The following SPHKAP variants were observed in gnomAD, a reference collection of about 807,000 sequenced individuals.
The protein encoded by SPHKAP is A-kinase anchor protein SPHKAP.
SPHKAP carries 67 observed loss-of-function variants against 137.5 expected under a neutral mutation model. That is an observed-to-expected ratio of 0.49 (90% CI 0.40 to 0.60). The LOEUF is 0.60. SPHKAP is among the 20% of genes least tolerant of loss of function. SPHKAP has a pLI of 0.00. For synonymous variants in SPHKAP, 813 were observed against 785.3 expected, an observed-to-expected ratio of 1.04 and a Z score of -0.59; for missense variants, 2,097 against 2,069.3, an observed-to-expected ratio of 1.01 and a Z score of -0.26.
At chr2:228,180,729 GCAGGC>G (rs1700884036) in intron 1 of SPHKAP, among the ~76,000 whole-genome samples, 1 of 152,218 alleles carries the variant, frequency 6.6e-6, no homozygotes, top group African/African-American at 2.4e-5. Context: ...GGCTGGGGGA[GCAGGC>G]CCAGCACCAC....
At chr2:228,009,992 G>C (rs571835684) in intron 7 of SPHKAP, among the ~76,000 whole-genome samples, 1 of 152,058 alleles carries the variant, frequency 6.6e-6, no homozygotes, top group Non-Finnish European at 1.5e-5. Context: ...AGGTCAAGAG[G>C]CTTCCTGTGC....
chr2:228,154,532 A>AT (rs1168623467), intron 1 of SPHKAP, among the ~76,000 whole-genome samples: 4 of 29,404 alleles, frequency 1.4e-4, no homozygotes, highest in Non-Finnish European at 2.3e-4. Context: ...ATATATATAT[A>AT]TTTTTTTTTT....
chr2:228,168,067 C>T (rs1434127118), intron 1 of SPHKAP, among the ~76,000 whole-genome samples: 1 of 152,012 alleles, frequency 6.6e-6, no homozygotes, highest in Non-Finnish European at 1.5e-5. Flanking sequence ...AGCATTCTAT[C>T]TTATTATATA....
chr2:228,001,452 TACGA>T, intron 7 of SPHKAP, among the ~76,000 whole-genome samples: 1 of 142,576 alleles, frequency 7.0e-6, no homozygotes, highest in Admixed American at 7.3e-5. Flanking sequence ...TATGTATATA[TACGA>T]ATATATACGT....
At chr2:228,101,640 C>T (rs565353908) in intron 3 of SPHKAP, among the ~76,000 whole-genome samples, 1 of 152,288 alleles carries the variant, frequency 6.6e-6, no homozygotes, top group Admixed American at 6.5e-5. Context: ...CAATTATTAT[C>T]TCTATTTTGC....
rs551185194 is a variant in SPHKAP at position 228,122,143 on chromosome 2, T to C, written c.138+9837A>G. 4.5e-4 allele frequency among the ~76,000 whole-genome samples: 68 copies of C among 152,174 alleles called. 1 individual carries two copies. Among genetic ancestry groups the C allele is most frequent in the Middle Eastern group, 6.8e-3 (2 of 292 alleles). ...TTGTTGTGTTTCTGGACAGATATAT[T>C]TAATACACAATATATAAAAGGCCTG... On this transcript the variant is annotated intron_variant, in intron 2 of 11. Coordinates refer to ENST00000392056, the MANE Select transcript of SPHKAP (RefSeq NM_001142644.2).
chr2:228,001,291 ATACATATAAAT>A (rs1693855578), intron 7 of SPHKAP, among the ~76,000 whole-genome samples: 1 of 145,612 alleles, frequency 6.9e-6, no homozygotes, highest in African/African-American at 2.5e-5. Context: ...ACATATATCT[ATACATATAAAT>A]ATATCTATAC....
At chr2:228,042,939 G>T (rs1304999229) in intron 3 of SPHKAP, among the ~76,000 whole-genome samples, 17 of 152,154 alleles carry the variant, frequency 1.1e-4, no homozygotes, top group Non-Finnish European at 2.5e-4. Context: ...AGCATTATGG[G>T]TGCTGCCTGT....
chr2:228,173,379 G>A (rs1445891023), intron 1 of SPHKAP, among the ~76,000 whole-genome samples: 1 of 152,128 alleles, frequency 6.6e-6, no homozygotes, highest in African/African-American at 2.4e-5. Context: ...GTATGACAAA[G>A]CAAAATCAAG....
At chr2:228,119,564 C>T (rs147763385) in intron 2 of SPHKAP, among the ~76,000 whole-genome samples, 70 of 149,546 alleles carry the variant, frequency 4.7e-4, no homozygotes, top group African/African-American at 1.7e-3. Context: ...ATTTAGCTTA[C>T]GCCATAGCAA....
chr2:228,077,506 T>C (rs1016268778), intron 3 of SPHKAP, among the ~76,000 whole-genome samples: 2 of 152,220 alleles, frequency 1.3e-5, no homozygotes, highest in Non-Finnish European at 2.9e-5. Context: ...ATATTGGAAC[T>C]TGAAGATTTG....
intron 3 of SPHKAP, among the ~76,000 whole-genome samples, chr2:228,036,324 C>T (rs1695592188): frequency 6.6e-6 from 1 of 152,174 alleles, no homozygotes; most frequent in Non-Finnish European, 1.5e-5. Context: ...AAAGCAAAAC[C>T]ACGATGAGAT....
intron 1 of SPHKAP, among the ~76,000 whole-genome samples, chr2:228,140,342 G>C (rs1699565250): frequency 6.6e-6 from 1 of 151,672 alleles, no homozygotes. Context: ...GCTAAATCTA[G>C]ACTGTAGTTC....
chr2:228,115,218 G>A (rs762461692), intron 2 of SPHKAP, among the ~76,000 whole-genome samples: 13 of 152,088 alleles, frequency 8.5e-5, no homozygotes, highest in Non-Finnish European at 1.5e-4. Context: ...ATTACCACCT[G>A]GAGGGATGAC....
intron 11 of SPHKAP, chr2:227,982,456 G>C: frequency 1.4e-6 from 1 of 735,968 alleles, no homozygotes; most frequent in Non-Finnish European, 1.7e-6. Flanking sequence ...CCTGGGTATT[G>C]GTACCAGTTC....
At chr2:228,077,771 T>C (rs575794429) in intron 3 of SPHKAP, among the ~76,000 whole-genome samples, 6 of 152,220 alleles carry the variant, frequency 3.9e-5, no homozygotes, top group African/African-American at 9.6e-5. Flanking sequence ...GAAGGCATGA[T>C]TGGTTTTGAA....
intron 3 of SPHKAP, among the ~76,000 whole-genome samples, chr2:228,057,000 G>A (rs1696470571): frequency 6.6e-6 from 1 of 152,164 alleles, no homozygotes; most frequent in Admixed American, 6.5e-5. Context: ...ATCTGCATTT[G>A]ACAACTTAAG....
At chr2:228,054,563 G>A (rs913336014) in intron 3 of SPHKAP, among the ~76,000 whole-genome samples, 1 of 152,080 alleles carries the variant, frequency 6.6e-6, no homozygotes, top group Non-Finnish European at 1.5e-5. Flanking sequence ...GGGAAGGGAA[G>A]AGAGGAGATT....
At chr2:228,039,346 G>A (rs1695752542) in intron 3 of SPHKAP, among the ~76,000 whole-genome samples, 1 of 152,196 alleles carries the variant, frequency 6.6e-6, no homozygotes, top group African/African-American at 2.4e-5. Flanking sequence ...ATGTCACTGA[G>A]AAGATGATGC....
Sources: allele counts gnomAD v4.1 joint callset (sites outside exome capture counted in the v4.1 genomes callset), GRCh38; gene constraint gnomAD v4.1.1; transcripts MANE v1.5; gene names NCBI Gene and HGNC (gene_info 2026-07-23, HGNC 2026-07-21).